SCN8A: variants seen among roughly 807,000 people sequenced by gnomAD.
The protein encoded by SCN8A is sodium voltage-gated channel alpha subunit 8.
Under a neutral mutation model 184.1 loss-of-function variants are expected in SCN8A, and 30 were observed. The ratio of observed to expected loss-of-function variants is 0.16; its 90% CI spans 0.12 to 0.22. The LOEUF (loss-of-function observed/expected upper bound fraction) is 0.22, where lower values mean the gene tolerates loss of function less well. Ranked by LOEUF, SCN8A falls within the 10% of genes least tolerant of loss-of-function variation. SCN8A has a pLI of 1.00. For synonymous variants in SCN8A, 852 were observed against 907.0 expected (o/e 0.94, Z 1.09); for missense variants, 1,057 against 2,498.9 (o/e 0.42, Z 12.30).
In SCN8A at chr12:51,769,000, C is replaced by T. The variant is rs376261959; in HGVS notation, c.3037C>T (p.Leu1013=). 2 of 1,614,034 alleles carry T rather than the reference C, an allele frequency of 1.2e-6. No homozygotes were observed. Among genetic ancestry groups the T allele is most frequent in the Non-Finnish European group, 1.7e-6 (2 of 1,179,900 alleles). The change falls in exon 17 of 27, where the codon CTA becomes TTA. Residue 1013 remains leucine, a synonymous_variant. Transcript: ENST00000627620. ...CAAGAAGGGTGTGGCCTGGACCAAA[C>T]TAAAGGTGCACGCCTTCATGCAGGC... The part of the protein sequence containing the change: ...RIKKGVAWTK[L]KVHAFMQAHF...
chr12:51,712,048 A>G (rs1941886540), intron 11 of SCN8A, among the ~76,000 whole-genome samples: 1 of 152,324 alleles, frequency 6.6e-6, no homozygotes, highest in South Asian at 2.1e-4. Context: ...TCTGTACTAA[A>G]ATGTAGAAAA....
intron 6 of SCN8A, among the ~76,000 whole-genome samples, chr12:51,693,767 C>A (rs919303983): frequency 6.6e-6 from 1 of 152,160 alleles, no homozygotes; most frequent in Non-Finnish European, 1.5e-5. Flanking sequence ...GGGAACAGGG[C>A]AGTTGTTCTT....
At chr12:51,793,000 C>T (rs949765783) in intron 25 of SCN8A, among the ~76,000 whole-genome samples, 5 of 151,994 alleles carry the variant, frequency 3.3e-5, no homozygotes, top group South Asian at 2.1e-4. Context: ...TGGGAGGCCT[C>T]GGCCTCCCAA....
intron 1 of SCN8A, among the ~76,000 whole-genome samples, chr12:51,649,408 C>A (rs556820323): frequency 1.4e-4 from 22 of 152,358 alleles, no homozygotes; most frequent in Admixed American, 1.3e-3. Flanking sequence ...CCCCACATTT[C>A]CCCTCTACAC....
chr12:51,767,303 T>C (rs1333588851), intron 16 of SCN8A, among the ~76,000 whole-genome samples: 1 of 152,204 alleles, frequency 6.6e-6, no homozygotes, highest in Admixed American at 6.5e-5. Context: ...TGTCTCCAGA[T>C]ACCTGAGCAC....
intron 3 of SCN8A, among the ~76,000 whole-genome samples, chr12:51,684,826 G>A (rs897880679): frequency 7.9e-5 from 12 of 152,020 alleles, no homozygotes; most frequent in Admixed American, 5.9e-4. Flanking sequence ...AATTTTTTCT[G>A]GTATTTTTAC....
At chr12:51,684,010 G>A in intron 2 of SCN8A, 164 bp from the exon 3 acceptor site, 4 of 644,170 alleles carry the variant, frequency 6.2e-6, no homozygotes, top group South Asian at 5.3e-5. Context: ...GAGGGAGGGA[G>A]GTGGGGCAAA....
chr12:51,687,038 T>C, intron 4 of SCN8A, 53 bp from the exon 5 acceptor site: 1 of 1,598,768 alleles, frequency 6.3e-7, no homozygotes, highest in Non-Finnish European at 8.6e-7. Flanking sequence ...CTTAAAAGGT[T>C]CATTTAAAGT....
At chr12:51,718,349 G>A (rs1941999267) in intron 11 of SCN8A, among the ~76,000 whole-genome samples, 1 of 151,708 alleles carries the variant, frequency 6.6e-6, no homozygotes, top group South Asian at 2.1e-4. Context: ...AGCCAGGCAT[G>A]GTGGCACATG....
At chr12:51,635,994 G>C (rs1042572508) in intron 1 of SCN8A, among the ~76,000 whole-genome samples, 1 of 152,020 alleles carries the variant, frequency 6.6e-6, no homozygotes, top group Non-Finnish European at 1.5e-5. Flanking sequence ...CAGAGTTTTT[G>C]TTTTTGTTTG....
chr12:51,810,553 A>G lies in SCN8A; in HGVS notation c.*3124A>G, dbSNP rs1301404748. 2.4e-5 allele frequency: 4 copies of G among 168,890 alleles called. No individual in the cohort carries two copies. Among genetic ancestry groups the G allele is most frequent in the African/African-American group, 9.6e-5 (4 of 41,488 alleles). 10.5% of individuals were successfully genotyped at this position (168,890 alleles called of 1,614,324 possible). A position where few individuals can be genotyped will look rare whatever the true frequency, so the allele number is the denominator to read the frequency against. The stretch of plus-strand genomic sequence containing the variant: ...ATATAGATATATAAATATAATATAA[A>G]TATTTATTTTTTGTAGCCAGGTCCT... On this transcript the variant is annotated 3_prime_UTR_variant, in exon 27 of 27. Transcript: ENST00000627620.
chr12:51,801,322 G>T (rs1420525014), intron 26 of SCN8A, among the ~76,000 whole-genome samples: 1 of 152,146 alleles, frequency 6.6e-6, no homozygotes, highest in Non-Finnish European at 1.5e-5. Context: ...GTAAGATCTG[G>T]CATACAGGGA....
chr12:51,776,679 C>T (rs1053897862), intron 20 of SCN8A, among the ~76,000 whole-genome samples: 7 of 152,192 alleles, frequency 4.6e-5, no homozygotes, highest in African/African-American at 1.2e-4. Context: ...AACAATTAGT[C>T]TTGGACTGTC....
chr12:51,705,709 T>C, intron 10 of SCN8A, 86 bp downstream of exon 10: 6 of 1,209,476 alleles, frequency 5.0e-6, no homozygotes, highest in Non-Finnish European at 6.9e-6. Flanking sequence ...GTTGATCTTT[T>C]CTAGGCATAT....
rs34564079 is a variant in SCN8A at position 51,679,721 on chromosome 12, CTTTT to C, written c.277-4434_277-4431del. 8.8e-3 allele frequency among the ~76,000 whole-genome samples: 749 copies of C among 85,474 alleles called. 3 individuals carry two copies. Among genetic ancestry groups the C allele is most frequent in the African/African-American group, 0.026 (571 of 22,048 alleles). 56.1% of individuals were successfully genotyped at this position (85,474 alleles called of 152,430 possible). A position where few individuals can be genotyped will look rare whatever the true frequency, so the allele number is the denominator to read the frequency against. On this transcript the variant is annotated intron_variant, in intron 2 of 26. Transcript: ENST00000627620. ...TGTGTTTGTCCAAAGACTATCTTGC[CTTTT>C]TTTTTTTTTTTTTTTTTTGAGACGG... is the stretch of plus-strand genomic sequence containing the variant.
chr12:51,661,610 A>T (rs1190765247), intron 1 of SCN8A, among the ~76,000 whole-genome samples: 1 of 152,154 alleles, frequency 6.6e-6, no homozygotes, highest in Non-Finnish European at 1.5e-5. Context: ...GGGAAAGAAC[A>T]ATCTTTAGTC....
intron 8 of SCN8A, 69 bp downstream of exon 8, chr12:51,701,276 AG>A: frequency 1.0e-6 from 1 of 968,206 alleles, no homozygotes; most frequent in South Asian, 2.2e-5. Flanking sequence ...GGGTCAAAAT[AG>A]GCAATATGTT....
intron 9 of SCN8A, 66 bp downstream of exon 9, chr12:51,702,980 CTG>C: frequency 7.0e-7 from 1 of 1,429,780 alleles, no homozygotes; most frequent in Non-Finnish European, 9.5e-7. Context: ...TGGGGACCTT[CTG>C]TGTGAGAGAC....
At chr12:51,740,352 A>C (rs1942402143) in intron 12 of SCN8A, among the ~76,000 whole-genome samples, 1 of 152,262 alleles carries the variant, frequency 6.6e-6, no homozygotes, top group Non-Finnish European at 1.5e-5. Flanking sequence ...TGTTTCTGCT[A>C]TTTGTTTCAA....
Sources: allele counts gnomAD v4.1 joint callset (sites outside exome capture counted in the v4.1 genomes callset), GRCh38; gene constraint gnomAD v4.1.1; transcripts MANE v1.5; gene names NCBI Gene and HGNC (gene_info 2026-07-23, HGNC 2026-07-21).